Variants in L3MBTL4 observed in about 807,000 individuals in gnomAD.
L3MBTL4 encodes L3MBTL histone methyl-lysine binding protein 4, also known as lethal(3)malignant brain tumor-like protein 4.
L3MBTL4 carries 70 observed loss-of-function variants against 84.5 expected under a neutral mutation model. The ratio of observed to expected loss-of-function variants is 0.83; its 90% CI spans 0.68 to 1.01. The LOEUF is 1.01. L3MBTL4 is among the 50% of genes least tolerant of loss of function. The probability of loss-of-function intolerance (pLI) is 0.00; values close to 1 mark genes in which losing one functional copy is unlikely to be tolerated. For synonymous variants in L3MBTL4, 274 were observed against 259.8 expected, an observed-to-expected ratio of 1.05 and a Z score of -0.52; for missense variants, 715 against 754.8, an observed-to-expected ratio of 0.95 and a Z score of 0.62.
chr18:5,996,352 A>C (rs538930856), intron 16 of L3MBTL4, among the ~76,000 whole-genome samples: 3 of 152,224 alleles, frequency 2.0e-5, no homozygotes, highest in Non-Finnish European at 4.4e-5. Context: ...CTCCACACTG[A>C]AAATCAGTAA....
At chr18:6,382,842 T>C (rs2054651164) in intron 1 of L3MBTL4, among the ~76,000 whole-genome samples, 1 of 152,204 alleles carries the variant, frequency 6.6e-6, no homozygotes, top group Admixed American at 6.5e-5. Flanking sequence ...TCAAATGCTG[T>C]GCTGGGAGGT....
At chr18:6,091,331 A>T (rs958353076) in intron 15 of L3MBTL4, among the ~76,000 whole-genome samples, 2 of 152,214 alleles carry the variant, frequency 1.3e-5, no homozygotes, top group Admixed American at 6.5e-5. Context: ...TTATCCAAAC[A>T]TTATTAGGAT....
At position 6,205,047 on chromosome 18, in the gene L3MBTL4, T is replaced by C. The variant is rs76006834; in HGVS notation, c.981+8102A>G. The stretch of plus-strand genomic sequence containing the variant: ...TGTCGAAATTCTAATCCCTGAAAGC[T>C]GTGAATAGGTCCCGTAACATGGCAA... On this transcript the variant is annotated intron_variant, in intron 12 of 18. Transcript: ENST00000317931. Among the ~76,000 whole-genome samples, 806 of 152,344 alleles carry C rather than the reference T, an allele frequency of 5.3e-3. 8 individuals are homozygous for C. The highest frequency in any genetic ancestry group is 0.019 in the African/African-American group (784 of 41,582).
intron 14 of L3MBTL4, among the ~76,000 whole-genome samples, chr18:6,129,238 G>C (rs975114617): frequency 6.6e-6 from 1 of 152,138 alleles, no homozygotes; most frequent in Non-Finnish European, 1.5e-5. Context: ...TTAAGTCTCA[G>C]AATAATGCAT....
At chr18:6,227,433 A>G (rs1889938943) in intron 10 of L3MBTL4, among the ~76,000 whole-genome samples, 1 of 152,238 alleles carries the variant, frequency 6.6e-6, no homozygotes, top group African/African-American at 2.4e-5. Flanking sequence ...TACAAAGTAC[A>G]TTGTTTGATA....
chr18:6,370,253 G>A (rs2054106087), intron 1 of L3MBTL4, among the ~76,000 whole-genome samples: 1 of 152,118 alleles, frequency 6.6e-6, no homozygotes, highest in South Asian at 2.1e-4. Context: ...TGTGCACCCA[G>A]GACAGTGCCT....
intron 16 of L3MBTL4, among the ~76,000 whole-genome samples, chr18:6,010,950 G>A (rs1410581613): frequency 6.6e-6 from 1 of 152,168 alleles, no homozygotes; most frequent in Non-Finnish European, 1.5e-5. Context: ...ATGATTCAGT[G>A]ACACCTTCCA....
At chr18:6,130,718 C>T (rs1351015852) in intron 14 of L3MBTL4, among the ~76,000 whole-genome samples, 1 of 152,094 alleles carries the variant, frequency 6.6e-6, no homozygotes, top group East Asian at 1.9e-4. Flanking sequence ...TAATCCTGGA[C>T]CTTGACTCAA....
intron 12 of L3MBTL4, among the ~76,000 whole-genome samples, chr18:6,195,391 T>C (rs1281011758): frequency 6.6e-6 from 1 of 152,194 alleles, no homozygotes; most frequent in African/African-American, 2.4e-5. Context: ...CACTACTAGG[T>C]ACTTGATTAC....
chr18:6,049,654 G>C (rs1370414134), intron 16 of L3MBTL4, among the ~76,000 whole-genome samples: 2 of 152,154 alleles, frequency 1.3e-5, no homozygotes, highest in African/African-American at 4.8e-5. Context: ...TTATAAGTGG[G>C]AGTTAAATAT....
intron 16 of L3MBTL4, among the ~76,000 whole-genome samples, chr18:6,020,163 A>T (rs541103447): frequency 3.0e-4 from 46 of 152,308 alleles, no homozygotes; most frequent in African/African-American, 1.1e-3. Flanking sequence ...GATTTATGAG[A>T]TTAACCAGCA....
At chr18:6,175,154 G>A (rs2044169823) in intron 12 of L3MBTL4, among the ~76,000 whole-genome samples, 1 of 151,866 alleles carries the variant, frequency 6.6e-6, no homozygotes, top group Non-Finnish European at 1.5e-5. Context: ...GAAAATGAAA[G>A]CTAAAGGGAA....
chr18:6,252,369 A>T (rs1339174699), intron 5 of L3MBTL4, among the ~76,000 whole-genome samples: 1 of 152,206 alleles, frequency 6.6e-6, no homozygotes, highest in Non-Finnish European at 1.5e-5. Context: ...AATGACAGCC[A>T]TAATCAATAT....
At chr18:6,103,247 C>A (rs971680568) in intron 14 of L3MBTL4, among the ~76,000 whole-genome samples, 2 of 152,174 alleles carry the variant, frequency 1.3e-5, no homozygotes, top group Admixed American at 6.5e-5. Context: ...ACATTACTAA[C>A]TCAATTGAAA....
At chr18:6,140,446 T>A (rs1179858019) in intron 13 of L3MBTL4, among the ~76,000 whole-genome samples, 1 of 152,126 alleles carries the variant, frequency 6.6e-6, no homozygotes, top group Non-Finnish European at 1.5e-5. Flanking sequence ...GGGAAAAAAA[T>A]GCACATTGTG....
intron 14 of L3MBTL4, among the ~76,000 whole-genome samples, chr18:6,101,041 C>A (rs1443006946): frequency 6.6e-6 from 1 of 152,184 alleles, no homozygotes; most frequent in African/African-American, 2.4e-5. Flanking sequence ...ACTCAGTCTT[C>A]TGTGGGGATG....
At chr18:6,306,383 G>T (rs1044763192) in intron 3 of L3MBTL4, among the ~76,000 whole-genome samples, 2 of 152,068 alleles carry the variant, frequency 1.3e-5, no homozygotes, top group Non-Finnish European at 2.9e-5. Context: ...TAAAGTGTTT[G>T]CTAAGACACA....
intron 1 of L3MBTL4, among the ~76,000 whole-genome samples, chr18:6,376,171 C>T (rs538905401): frequency 6.6e-6 from 1 of 152,280 alleles, no homozygotes; most frequent in East Asian, 1.9e-4. Context: ...CAGAGGTGCC[C>T]AGCAAAATGC....
chr18:5,980,534 C>T (rs1176616614), intron 16 of L3MBTL4, among the ~76,000 whole-genome samples: 5 of 148,674 alleles, frequency 3.4e-5, no homozygotes, highest in East Asian at 2.1e-4. Context: ...TGGGTTCAAG[C>T]GATTCTCCTG....
Sources: allele counts gnomAD v4.1 joint callset (sites outside exome capture counted in the v4.1 genomes callset), GRCh38; gene constraint gnomAD v4.1.1; transcripts MANE v1.5; gene names NCBI Gene and HGNC (gene_info 2026-07-23, HGNC 2026-07-21).